Variants in ABCG1 observed in about 807,000 individuals in gnomAD.
ABCG1 encodes ATP-binding cassette sub-family G member 1.
A neutral mutation model predicts 69.2 loss-of-function variants in ABCG1; 29 were observed. The observed-to-expected ratio is 0.42, with a 90% CI of 0.31 to 0.57. ABCG1 has a LOEUF of 0.57. ABCG1 is among the 20% of genes least tolerant of loss of function. The pLI is 0.15. For missense variants in ABCG1, 718 were observed against 898.1 expected (o/e 0.80, Z 2.56); for synonymous variants, 370 against 374.8 (o/e 0.99, Z 0.15).
rs979226809 is a variant in ABCG1, at chr21:42,282,520, G to T, written c.734+101G>T. 1.3e-5 allele frequency: 18 copies of T among 1,403,808 alleles called. No homozygotes were observed. In the East Asian group the frequency reaches 2.7e-4, roughly 21 times the overall value. 87.0% of individuals were successfully genotyped at this position (1,403,808 alleles called of 1,614,324 possible). On this transcript the variant is annotated intron_variant, in intron 6 of 14. Transcript: ENST00000398449. ...CTGACATCCTGATGTAGCCTCAGAGGGGGTGAGTTGAGCTCACCCGGCGGT... is the reference window on the plus strand; with the variant it reads ...CTGACATCCTGATGTAGCCTCAGAGTGGGTGAGTTGAGCTCACCCGGCGGT...
intron 2 of ABCG1, chr21:42,201,851 T>C: frequency 1.3e-6 from 2 of 1,554,738 alleles, no homozygotes; most frequent in Non-Finnish European, 1.7e-6. Flanking sequence ...TGGGAGCTCC[T>C]GCGGTGTAGT....
At chr21:42,258,876 G>A (rs2068356309) in intron 2 of ABCG1, among the ~76,000 whole-genome samples, 1 of 152,244 alleles carries the variant, frequency 6.6e-6, no homozygotes, top group Non-Finnish European at 1.5e-5. Flanking sequence ...GAAGCACCCA[G>A]GAGGGAGCTG....
intron 2 of ABCG1, among the ~76,000 whole-genome samples, chr21:42,234,866 C>G (rs937089763): frequency 6.6e-6 from 1 of 151,350 alleles, no homozygotes; most frequent in African/African-American, 2.4e-5. Context: ...GCCCGCCCAT[C>G]CGCCGCCACC....
At position 42,266,920 on chromosome 21, in the gene ABCG1, T is replaced by C. The variant is rs1033587878; in HGVS notation, c.287-4150T>C. 3.3e-5 allele frequency among the ~76,000 whole-genome samples: 5 copies of C among 152,204 alleles called. No homozygotes were observed. The East Asian group carries it at 9.6e-4, about 29-fold the overall frequency. Reference sequence around the variant, plus strand: ...GCTCAGACCCCATTCTCTCCTCTGGTTCTCGATGGCCCTCACCTCCCATTT... The same window carrying C: ...GCTCAGACCCCATTCTCTCCTCTGGCTCTCGATGGCCCTCACCTCCCATTT... On this transcript the variant is annotated intron_variant, in intron 2 of 14. Coordinates refer to ENST00000398449, the MANE Select transcript of ABCG1 (RefSeq NM_016818.3).
At chr21:42,201,649 C>A (rs781400402) in exon 2 of ABCG1, 1 of 1,600,414 alleles carries the variant, frequency 6.2e-7, no homozygotes, top group South Asian at 1.1e-5. Flanking sequence ...TCAGGGATCA[C>A]CGACTCTGTG....
At chr21:42,285,750 A>G in intron 7 of ABCG1, 130 bp from the exon 8 acceptor site, 1 of 706,368 alleles carries the variant, frequency 1.4e-6, no homozygotes, top group Non-Finnish European at 2.5e-6. Flanking sequence ...AGCTCTCAGG[A>G]GAGGAAGTGG....
At chr21:42,226,554 T>C (rs950824004) in intron 2 of ABCG1, among the ~76,000 whole-genome samples, 4 of 152,188 alleles carry the variant, frequency 2.6e-5, no homozygotes, top group African/African-American at 9.7e-5. Context: ...TGAGTGGTAG[T>C]TTGAGTTTTC....
At chr21:42,253,906 C>T (rs189711615) in intron 2 of ABCG1, among the ~76,000 whole-genome samples, 59 of 152,226 alleles carry the variant, frequency 3.9e-4, no homozygotes, top group African/African-American at 1.4e-3. Context: ...TCCCTTTGCA[C>T]GATATTTATT....
At position 42,219,814 on chromosome 21, in the gene ABCG1, G is replaced by T; in HGVS notation, c.42+510G>T. ...AACAAAAGAGGAAGCTGCCCCCAGA[G>T]AGCCGGAGCCTGCGACTGCACTCCC... On this transcript the variant is annotated intron_variant, in intron 1 of 14. Transcript: ENST00000398449. This position sits in a 1 kb window ranked among gnomAD's most constrained non-coding sequence, Gnocchi z 5.3. The T allele has an allele frequency of 1.4e-6, 2 of 1,446,972 alleles. No homozygotes were observed. Among genetic ancestry groups the T allele is most frequent in the Non-Finnish European group, 1.8e-6 (2 of 1,103,832 alleles). The allele number at this position is 1,446,972 out of a possible 1,614,324, so 89.6% of individuals were successfully genotyped here.
chr21:42,217,222 A>G (rs1569203412), upstream of ABCG1, among the ~76,000 whole-genome samples: 2 of 152,098 alleles, frequency 1.3e-5, no homozygotes, highest in African/African-American at 4.8e-5. Flanking sequence ...TCGGGCAGAG[A>G]ACTGGGTGGG....
intron 13 of ABCG1, among the ~76,000 whole-genome samples, chr21:42,293,072 C>CACACACCAAACT (rs2069108363): frequency 1.4e-5 from 1 of 72,700 alleles, no homozygotes; most frequent in Non-Finnish European, 2.6e-5. Context: ...CCACACTACA[C>CACACACCAAACT]ACACACCACA....
At chr21:42,293,351 CACACACTACACACACACCACACT>C (rs1365529917) in intron 13 of ABCG1, among the ~76,000 whole-genome samples, 2 of 137,162 alleles carry the variant, frequency 1.5e-5, no homozygotes, top group Non-Finnish European at 1.6e-5. Context: ...CACTACCCAC[CACACACTACACACACACCACACT>C]ACACACTACA....
At chr21:42,293,205 C>CAT (rs2069117046) in intron 13 of ABCG1, among the ~76,000 whole-genome samples, 3 of 136,744 alleles carry the variant, frequency 2.2e-5, no homozygotes, top group African/African-American at 3.2e-5. Context: ...ACACACCACA[C>CAT]ACTGCATACA....
Position 42,293,541 on chromosome 21 carries a change from A to G in ABCG1, c.1654-1001A>G, listed in dbSNP as rs578016120. Among the ~76,000 whole-genome samples, 65 of 142,634 alleles carry G rather than the reference A, an allele frequency of 4.6e-4. 3 individuals are homozygous for G. The highest frequency in any genetic ancestry group is 1.7e-3 in the African/African-American group (65 of 37,472). The allele number at this position is 142,634 out of a possible 152,430, so 93.6% of individuals were successfully genotyped here. A position where few individuals can be genotyped will look rare whatever the true frequency, so the allele number is the denominator to read the frequency against. ...CCACCACACATACTACACACCACGC[A>G]CTACACACATACCACACTACACACT... is the stretch of plus-strand genomic sequence containing the variant. On this transcript the variant is annotated intron_variant, in intron 13 of 14. Coordinates refer to ENST00000398449, the MANE Select transcript of ABCG1 (RefSeq NM_016818.3).
At position 42,296,596 on chromosome 21, in the gene ABCG1, T is replaced by G; in HGVS notation, c.*204T>G. 1.7e-6 allele frequency: 1 copy of G among 577,630 alleles called. No individual in the cohort carries two copies. Among genetic ancestry groups the G allele is most frequent in the Non-Finnish European group, 3.1e-6 (1 of 322,934 alleles). The allele number at this position is 577,630 out of a possible 1,614,324, so 35.8% of individuals were successfully genotyped here. A position where few individuals can be genotyped will look rare whatever the true frequency, so the allele number is the denominator to read the frequency against. On this transcript the variant is annotated 3_prime_UTR_variant, in exon 15 of 15. Transcript: ENST00000398449. This position sits in a 1 kb window ranked among gnomAD's most constrained non-coding sequence, Gnocchi z 5.4. Reference sequence around the variant, plus strand: ...TTCTCTCCATTCCCCTTTCTAGCTTTAACTAGGAAGATGTAGGCAGATTGG... The same window carrying G: ...TTCTCTCCATTCCCCTTTCTAGCTTGAACTAGGAAGATGTAGGCAGATTGG...
intron 2 of ABCG1, among the ~76,000 whole-genome samples, chr21:42,209,265 G>A (rs1446577473): frequency 6.6e-6 from 1 of 152,204 alleles, no homozygotes; most frequent in Admixed American, 6.5e-5. Flanking sequence ...CCTGGTGCCT[G>A]GTGTGAAAGT....
intron 2 of ABCG1, among the ~76,000 whole-genome samples, chr21:42,261,542 C>T (rs1003909717): frequency 2.6e-5 from 4 of 152,204 alleles, no homozygotes; most frequent in East Asian, 1.9e-4. Context: ...GGCAGCTCCC[C>T]ACCCCCTCTC....
At chr21:42,229,104 C>T (rs562525374) in intron 2 of ABCG1, among the ~76,000 whole-genome samples, 9 of 152,232 alleles carry the variant, frequency 5.9e-5, no homozygotes, top group Admixed American at 2.6e-4. Flanking sequence ...CAATTGCTGG[C>T]GGTGGTCTCA....
At chr21:42,244,129 T>C (rs1270584481) in intron 2 of ABCG1, among the ~76,000 whole-genome samples, 2 of 152,210 alleles carry the variant, frequency 1.3e-5, no homozygotes, top group African/African-American at 4.8e-5. Context: ...TATCTTTGGC[T>C]TTAAAAAAAT....
Sources: gnomAD v4.1 joint callset for allele counts (sites outside exome capture counted in the v4.1 genomes callset) on GRCh38, gnomAD v4.1.1 for gene constraint, Gnocchi (gnomAD v3.1) non-coding constraint, MANE v1.5 for transcripts, NCBI Gene and HGNC (gene_info 2026-07-23, HGNC 2026-07-21) for gene names.